AKAP19: variants seen among roughly 807,000 people sequenced by gnomAD.
AKAP19 encodes small A-kinase anchoring protein.
the AKAP19 span, among the ~76,000 whole-genome samples, chr2:189,993,942 G>A: frequency 1.3e-5 from 2 of 150,628 alleles, no homozygotes; most frequent in African/African-American, 4.9e-5. Context: ...TGTTTGTCTT[G>A]TCAAAAAGTC....
At chr2:190,159,690 G>A in the AKAP19 span, among the ~76,000 whole-genome samples, 14 of 152,272 alleles carry the variant, frequency 9.2e-5, no homozygotes, top group South Asian at 2.9e-3. Flanking sequence ...GAGCTTGCCA[G>A]TAGCTCTGTG....
At chr2:190,185,256 G>A in the AKAP19 span, among the ~76,000 whole-genome samples, 1 of 152,258 alleles carries the variant, frequency 6.6e-6, no homozygotes, top group South Asian at 2.1e-4. Flanking sequence ...TGTAGGGGAG[G>A]AAAAAAGCTG....
the AKAP19 span, among the ~76,000 whole-genome samples, chr2:190,119,824 G>A: frequency 6.6e-6 from 1 of 151,532 alleles, no homozygotes; most frequent in East Asian, 1.9e-4. Context: ...AAAAGATGAA[G>A]TGCAGCAAAG....
the AKAP19 span, chr2:190,057,035 A>C: frequency 1.9e-6 from 1 of 535,912 alleles, no homozygotes; most frequent in African/African-American, 1.9e-5. Context: ...CTTCTAGCTC[A>C]AAAACTCTGG....
At chr2:190,080,226 T>C in the AKAP19 span, among the ~76,000 whole-genome samples, 1 of 152,198 alleles carries the variant, frequency 6.6e-6, no homozygotes. Flanking sequence ...GTTAGCAAAA[T>C]CGCAAGACTG....
the AKAP19 span, among the ~76,000 whole-genome samples, chr2:189,972,244 T>C: frequency 6.6e-6 from 1 of 152,238 alleles, no homozygotes; most frequent in African/African-American, 2.4e-5. Context: ...AGGGAATCCT[T>C]TCCCCTTTTC....
At chr2:190,156,713 A>C in the AKAP19 span, among the ~76,000 whole-genome samples, 1 of 152,322 alleles carries the variant, frequency 6.6e-6, no homozygotes, top group Admixed American at 6.5e-5. Flanking sequence ...ACAACAATAT[A>C]TCATGTCATA....
chr2:189,998,771 C>CTTTTTTTTTTT, the AKAP19 span, among the ~76,000 whole-genome samples: 22 of 97,534 alleles, frequency 2.3e-4, no homozygotes, highest in African/African-American at 5.1e-4. Context: ...TTCTTTCTTT[C>CTTTTTTTTTTT]TTTTTTTTTT....
chr2:190,133,193 A>C, the AKAP19 span, among the ~76,000 whole-genome samples: 16 of 140,952 alleles, frequency 1.1e-4, no homozygotes, highest in Admixed American at 5.5e-4. Flanking sequence ...GGCCGAGATC[A>C]CGCCACTGCA....
chr2:190,057,070 T>C, the AKAP19 span: 8 of 606,068 alleles, frequency 1.3e-5, no homozygotes, highest in Middle Eastern at 8.9e-4. Context: ...TCTTGTATGA[T>C]TTGTTTGGAT....
the AKAP19 span, among the ~76,000 whole-genome samples, chr2:189,883,265 C>T: frequency 2.6e-5 from 4 of 152,060 alleles, no homozygotes; most frequent in African/African-American, 9.7e-5. Flanking sequence ...CTTGGAGAAC[C>T]ACTGCTCTAT....
chr2:189,987,133 A>T, the AKAP19 span, among the ~76,000 whole-genome samples: 21 of 152,264 alleles, frequency 1.4e-4, no homozygotes, highest in East Asian at 3.7e-3. Context: ...ACATGTTGTG[A>T]GAGGGACCCA....
At chr2:190,028,897 T>C in the AKAP19 span, among the ~76,000 whole-genome samples, 26 of 152,192 alleles carry the variant, frequency 1.7e-4, no homozygotes, top group Admixed American at 9.8e-4. Flanking sequence ...TCTCTATTGA[T>C]AAAATGAAAA....
the AKAP19 span, among the ~76,000 whole-genome samples, chr2:190,090,061 G>A: frequency 6.6e-6 from 1 of 152,104 alleles, no homozygotes; most frequent in Admixed American, 6.5e-5. Flanking sequence ...TGTATGGTGT[G>A]CAAATGTAAT....
At chr2:189,885,980 C>T in the AKAP19 span, among the ~76,000 whole-genome samples, 1,378 of 151,832 alleles carry the variant, frequency 9.1e-3, 14 homozygotes, top group Middle Eastern at 0.024. Context: ...AGCTAATTTT[C>T]GTATTTTTAG....
At chr2:190,020,816 A>G in the AKAP19 span, among the ~76,000 whole-genome samples, 4 of 152,032 alleles carry the variant, frequency 2.6e-5, no homozygotes, top group African/African-American at 9.7e-5. Flanking sequence ...TTTACTTTCT[A>G]TCTTTACTAA....
At chr2:189,936,742 A>G in the AKAP19 span, among the ~76,000 whole-genome samples, 1 of 152,248 alleles carries the variant, frequency 6.6e-6, no homozygotes, top group African/African-American at 2.4e-5. Flanking sequence ...ACACAACAAC[A>G]GAATGAATCT....
the AKAP19 span, among the ~76,000 whole-genome samples, chr2:190,135,487 T>C: frequency 1.3e-5 from 2 of 152,158 alleles, no homozygotes; most frequent in African/African-American, 4.8e-5. Context: ...CTCTCCTCCT[T>C]GGTTTCTCTT....
chr2:190,058,375 T>G, the AKAP19 span, among the ~76,000 whole-genome samples: 5 of 152,012 alleles, frequency 3.3e-5, no homozygotes, highest in Admixed American at 6.6e-5. Flanking sequence ...AAAGGAACAC[T>G]TTCTTAAATA....
Sources: gnomAD v4.1 joint callset for allele counts (sites outside exome capture counted in the v4.1 genomes callset) on GRCh38, gnomAD v4.1.1 for gene constraint, MANE v1.5 for transcripts, NCBI Gene and HGNC (gene_info 2026-07-23, HGNC 2026-07-21) for gene names.